The following IPO7 variants were observed in gnomAD, a reference collection of about 807,000 sequenced individuals.
IPO7 encodes importin 7.
IPO7 carries 13 observed loss-of-function variants against 136.4 expected under a neutral mutation model. That is an observed-to-expected ratio of 0.10 (90% CI 0.06 to 0.15). The LOEUF is 0.15. IPO7 is among the 10% of genes least tolerant of loss of function. IPO7 has a pLI of 1.00. For synonymous variants in IPO7, 403 were observed against 404.4 expected (o/e 1.00, Z 0.04); for missense variants, 857 against 1,240.6 (o/e 0.69, Z 4.65).
At chr11:9,419,559 A>AAAAATATATATATATATATAT (rs1256216265) in intron 6 of IPO7, among the ~76,000 whole-genome samples, 2 of 116,866 alleles carry the variant, frequency 1.7e-5, no homozygotes, top group African/African-American at 7.5e-5. Flanking sequence ...AAAAAAAAAA[A>AAAAATATATATATATATATAT]ATATATATAT....
chr11:9,425,827 C>T (rs1047181867), intron 12 of IPO7, among the ~76,000 whole-genome samples: 3 of 150,390 alleles, frequency 2.0e-5, no homozygotes, highest in Non-Finnish European at 4.4e-5. Context: ...TGCAGTGAGC[C>T]GAGATCACGC....
At chr11:9,415,453 A>G (rs1323168817) in intron 5 of IPO7, among the ~76,000 whole-genome samples, 2 of 152,238 alleles carry the variant, frequency 1.3e-5, no homozygotes, top group Non-Finnish European at 2.9e-5. Context: ...TGTCGCAAAA[A>G]TACTAAATCA....
At chr11:9,419,432 C>T (rs1025688468) in intron 6 of IPO7, among the ~76,000 whole-genome samples, 54 of 151,586 alleles carry the variant, frequency 3.6e-4, no homozygotes, top group African/African-American at 1.2e-3. Context: ...CCTGTAGTCC[C>T]AGCTACTCGG....
chr11:9,413,035 A>G (rs369592851), intron 4 of IPO7, among the ~76,000 whole-genome samples: 6 of 151,120 alleles, frequency 4.0e-5, no homozygotes, highest in African/African-American at 1.2e-4. Flanking sequence ...GCCCGCCACC[A>G]CGCCCAGCTA....
intron 1 of IPO7, chr11:9,402,969 C>G (rs1412025590): frequency 7.6e-6 from 2 of 263,582 alleles, no homozygotes; most frequent in Admixed American, 1.1e-4. Context: ...TTGCAGTGAG[C>G]CAAGATTGCG....
chr11:9,423,288 A>G, intron 9 of IPO7, 148 bp downstream of exon 9: 2 of 514,570 alleles, frequency 3.9e-6, no homozygotes, highest in Non-Finnish European at 3.4e-6. Context: ...GAAAAAGGAG[A>G]TAAGACAGTG....
intron 24 of IPO7, among the ~76,000 whole-genome samples, chr11:9,444,569 G>T (rs1264657647): frequency 6.6e-6 from 1 of 151,346 alleles, no homozygotes; most frequent in South Asian, 2.1e-4. Flanking sequence ...CACTATGTTG[G>T]CCAGGCTGGT....
chr11:9,431,343 T>A (rs1014684260), intron 16 of IPO7, among the ~76,000 whole-genome samples: 3 of 152,158 alleles, frequency 2.0e-5, no homozygotes, highest in African/African-American at 7.2e-5. Context: ...ATCCTAACCA[T>A]TTTTAAGTAT....
At chr11:9,388,940 A>G (rs1434104980) in intron 1 of IPO7, among the ~76,000 whole-genome samples, 1 of 152,026 alleles carries the variant, frequency 6.6e-6, no homozygotes, top group East Asian at 1.9e-4. Flanking sequence ...ATTTTTTGTT[A>G]TTGTTATTCC....
At chr11:9,444,914 A>G (rs1855508301) in intron 24 of IPO7, among the ~76,000 whole-genome samples, 183 bp from the exon 25 acceptor site, 1 of 152,082 alleles carries the variant, frequency 6.6e-6, no homozygotes, top group African/African-American at 2.4e-5. Flanking sequence ...GCATACAGTA[A>G]AAGAGATTAT....
chr11:9,428,852 A>G, intron 13 of IPO7, 179 bp from the exon 14 acceptor site: 1 of 792,462 alleles, frequency 1.3e-6, no homozygotes, highest in Non-Finnish European at 2.3e-6. Flanking sequence ...TGCTATCCAC[A>G]CAAACATCAT....
chr11:9,444,035 G>A (rs1183890320), intron 24 of IPO7, among the ~76,000 whole-genome samples: 1 of 152,158 alleles, frequency 6.6e-6, no homozygotes, highest in Non-Finnish European at 1.5e-5. Context: ...AGCACTTTGG[G>A]AGGCTGAGGC....
intron 3 of IPO7, 24 bp downstream of exon 3, chr11:9,408,663 A>C: frequency 7.9e-7 from 1 of 1,272,830 alleles, no homozygotes; most frequent in Non-Finnish European, 1.0e-6. Flanking sequence ...AAATTTACCC[A>C]TTTCTGCAGG....
Position 9,413,965 on chromosome 11 carries a change from A to G in IPO7, c.480-290A>G, listed in dbSNP as rs565245513. 5.3e-5 allele frequency among the ~76,000 whole-genome samples: 8 copies of G among 151,888 alleles called. No individual in the cohort carries two copies. The South Asian group carries it at 8.3e-4, about 16-fold the overall frequency. On this transcript the variant is annotated intron_variant, in intron 4 of 24. Transcript: ENST00000379719. ...CATGCCTAACTATGTAATACTGAGA[A>G]AGATAGTTAACGTCTGTGCCTCAGT...
rs138875639 is a variant in IPO7 at position 9,439,563 on chromosome 11, T to G, written c.2696-892T>G. Among the ~76,000 whole-genome samples the G allele has an allele frequency of 3.5e-4, 53 of 151,570 alleles. 2 individuals are homozygous for G. The highest frequency in any genetic ancestry group is 1.0e-3 in the African/African-American group (42 of 41,366). On this transcript the variant is annotated intron_variant, in intron 22 of 24. Transcript: ENST00000379719. ...GTTACTATTACAAGATTTATGGGGG[T>G]TTTTTTTGTTTGTTTTTTTTTGTTG...
chr11:9,409,093 T>A (rs1291220742), intron 3 of IPO7, among the ~76,000 whole-genome samples: 2 of 151,496 alleles, frequency 1.3e-5, no homozygotes, highest in East Asian at 3.9e-4. Flanking sequence ...CAGATGCTGT[T>A]GTAGGAGAAT....
chr11:9,391,028 C>T (rs1276606600), intron 1 of IPO7, among the ~76,000 whole-genome samples: 1 of 152,152 alleles, frequency 6.6e-6, no homozygotes, highest in East Asian at 1.9e-4. Context: ...CCTCTGCCTC[C>T]CAAAGTGTTG....
intron 1 of IPO7, among the ~76,000 whole-genome samples, chr11:9,390,718 G>A (rs1316246526): frequency 2.0e-5 from 3 of 152,102 alleles, no homozygotes; most frequent in African/African-American, 7.2e-5. Flanking sequence ...GGAGGTAAAA[G>A]CAGGAAGAGG....
Position 9,440,664 on chromosome 11 carries a change from A to G in IPO7, c.2902+3A>G, listed in dbSNP as rs753431527. 6.3e-7 allele frequency: 1 copy of G among 1,594,490 alleles called. No individual in the cohort carries two copies. The highest frequency in any genetic ancestry group is 1.3e-5 in the African/African-American group (1 of 74,580). ...GATATTTAAAGCTATCTTTCAAAGT[A>G]AGTCAACTTGTTACATGTGGATCCA... On this transcript the variant is annotated splice_donor_region_variant and intron_variant, in intron 23 of 24. Coordinates refer to ENST00000379719, the MANE Select transcript of IPO7 (RefSeq NM_006391.3).
Sources: allele counts gnomAD v4.1 joint callset (sites outside exome capture counted in the v4.1 genomes callset), GRCh38; gene constraint gnomAD v4.1.1; transcripts MANE v1.5; gene names NCBI Gene and HGNC (gene_info 2026-07-23, HGNC 2026-07-21).